The following TENM3 variants were observed in gnomAD, a reference collection of about 807,000 sequenced individuals.
TENM3 encodes teneurin transmembrane protein 3.
TENM3 carries 63 observed loss-of-function variants against 255.1 expected under a neutral mutation model. That is an observed-to-expected ratio of 0.25 (90% CI 0.20 to 0.30). The LOEUF is 0.30. Among genes scored for constraint, TENM3 ranks in the 10% least tolerant of loss-of-function variants. The probability of loss-of-function intolerance (pLI) is 1.00; values close to 1 mark genes in which losing one functional copy is unlikely to be tolerated. For missense variants in TENM3, 2,929 were observed against 3,461.1 expected (o/e 0.85, Z 3.86); for synonymous variants, 1,306 against 1,322.3 (o/e 0.99, Z 0.27).
chr4:182,482,392 T>C (rs909683087), intron 3 of TENM3, among the ~76,000 whole-genome samples: 10 of 152,164 alleles, frequency 6.6e-5, no homozygotes, highest in African/African-American at 2.4e-4. Flanking sequence ...ATTGATTTTA[T>C]TTGCCTTTTA....
chr4:181,647,048 A>G, the TENM3 span, among the ~76,000 whole-genome samples: 1 of 152,196 alleles, frequency 6.6e-6, no homozygotes, highest in Admixed American at 6.5e-5. Context: ...CAGAGTGTAG[A>G]TGCTGCCTGT....
the TENM3 span, among the ~76,000 whole-genome samples, chr4:181,884,352 A>C: frequency 6.6e-6 from 1 of 152,080 alleles, no homozygotes; most frequent in African/African-American, 2.4e-5. Flanking sequence ...TAAGTATAGA[A>C]TTCAGTGACA....
At chr4:181,736,962 G>A in the TENM3 span, among the ~76,000 whole-genome samples, 1 of 152,044 alleles carries the variant, frequency 6.6e-6, no homozygotes, top group Non-Finnish European at 1.5e-5. Flanking sequence ...TTCCTGGGGT[G>A]GTGAGAGTCT....
chr4:182,579,292 C>T (rs1745252409), intron 3 of TENM3, among the ~76,000 whole-genome samples: 1 of 152,122 alleles, frequency 6.6e-6, no homozygotes, highest in African/African-American at 2.4e-5. Context: ...GAGCACATAT[C>T]TAGTCAGCAG....
chr4:182,582,452 T>C (rs1745581032), intron 3 of TENM3, among the ~76,000 whole-genome samples: 1 of 152,206 alleles, frequency 6.6e-6, no homozygotes, highest in African/African-American at 2.4e-5. Flanking sequence ...ATGTTAAGCC[T>C]ATTGCGTAAT....
the TENM3 span, among the ~76,000 whole-genome samples, chr4:181,487,785 G>A: frequency 2.6e-5 from 4 of 152,032 alleles, no homozygotes; most frequent in African/African-American, 7.2e-5. Flanking sequence ...TGGTCCTGCC[G>A]CATTAGATCC....
At chr4:181,707,152 T>A in the TENM3 span, among the ~76,000 whole-genome samples, 4 of 152,194 alleles carry the variant, frequency 2.6e-5, no homozygotes, top group African/African-American at 9.6e-5. Flanking sequence ...TTTTCTACCT[T>A]TCTGGCTGGC....
chr4:181,587,351 G>A, the TENM3 span, among the ~76,000 whole-genome samples: 1 of 152,052 alleles, frequency 6.6e-6, no homozygotes, highest in Admixed American at 6.6e-5. Context: ...CATGGGCTCT[G>A]TACCTGCTGA....
chr4:182,779,649 G>T (rs1475785373), intron 24 of TENM3, among the ~76,000 whole-genome samples: 4 of 152,108 alleles, frequency 2.6e-5, no homozygotes, highest in African/African-American at 9.7e-5. Flanking sequence ...CTTCCACAAT[G>T]GTTGAACTAG....
chr4:181,839,378 TATATATAC>T, the TENM3 span, among the ~76,000 whole-genome samples: 231 of 50,874 alleles, frequency 4.5e-3, 4 homozygotes, highest in African/African-American at 0.013. Flanking sequence ...TATATATATA[TATATATAC>T]ACCTATATAC....
chr4:182,630,202 G>A (rs1751230654), intron 5 of TENM3, among the ~76,000 whole-genome samples: 1 of 152,124 alleles, frequency 6.6e-6, no homozygotes, highest in Admixed American at 6.6e-5. Flanking sequence ...GGTCAAACCA[G>A]ATACTGAAGG....
At chr4:182,165,751 G>C (rs553336196) in intron 1 of TENM3, among the ~76,000 whole-genome samples, 1 of 152,068 alleles carries the variant, frequency 6.6e-6, no homozygotes, top group Admixed American at 6.5e-5. Flanking sequence ...ACTCTTTTTT[G>C]GGGGGTGAAG....
chr4:182,775,835 C>T (rs1454223380), intron 24 of TENM3, among the ~76,000 whole-genome samples: 1 of 152,046 alleles, frequency 6.6e-6, no homozygotes, highest in East Asian at 1.9e-4. Flanking sequence ...TAATAGTAAA[C>T]CTTATGGGAG....
chr4:181,778,699 G>A, the TENM3 span, among the ~76,000 whole-genome samples: 2 of 152,100 alleles, frequency 1.3e-5, no homozygotes, highest in African/African-American at 4.8e-5. Flanking sequence ...TCTTTGCTTT[G>A]AGCTGGATTC....
the TENM3 span, among the ~76,000 whole-genome samples, chr4:182,102,710 A>C: frequency 6.6e-6 from 1 of 152,186 alleles, no homozygotes; most frequent in African/African-American, 2.4e-5. Flanking sequence ...GTATCAGACC[A>C]TCTAGGTCTG....
Position 182,601,161 on chromosome 4 carries a change from G to GGT in TENM3, c.749+1_749+2dup. ...GGCAGTAATGTACCACTGGAAAGCA[G>GGT]GTAACATCTAAAATTTCAAAATAAG... On this transcript the variant is annotated frameshift_variant and splice_region_variant. Transcript: ENST00000511685. LOFTEE classifies it high-confidence loss of function. 1.2e-6 allele frequency: 2 copies of GGT among 1,612,164 alleles called. No individual in the cohort carries two copies. The highest frequency in any genetic ancestry group is 1.7e-6 in the Non-Finnish European group (2 of 1,178,392).
the TENM3 span, among the ~76,000 whole-genome samples, chr4:181,834,076 A>C: frequency 1.6e-4 from 25 of 152,202 alleles, no homozygotes; most frequent in African/African-American, 5.8e-4. Flanking sequence ...TACATGCAGC[A>C]GGAGGAAAAT....
At chr4:182,780,240 T>C (rs1202539257) in intron 24 of TENM3, among the ~76,000 whole-genome samples, 1 of 148,588 alleles carries the variant, frequency 6.7e-6, no homozygotes, top group Non-Finnish European at 1.5e-5. Flanking sequence ...GTATAAGGTG[T>C]AAGGAAGGGA....
the TENM3 span, chr4:181,829,816 C>A: frequency 6.6e-6 from 1 of 152,276 alleles, no homozygotes; most frequent in Admixed American, 6.5e-5. Flanking sequence ...CTGCACCAGC[C>A]CCTGAGTTTC....
Sources: allele counts gnomAD v4.1 joint callset (sites outside exome capture counted in the v4.1 genomes callset), GRCh38; gene constraint gnomAD v4.1.1; transcripts MANE v1.5; gene names NCBI Gene and HGNC (gene_info 2026-07-23, HGNC 2026-07-21).